Variants in LRMDA observed in about 807,000 individuals in gnomAD.
LRMDA encodes leucine rich melanocyte differentiation associated, also known as leucine-rich melanocyte differentiation-associated protein.
Under a neutral mutation model 29.8 loss-of-function variants are expected in LRMDA, and 18 were observed. The observed-to-expected ratio is 0.60, with a 90% CI of 0.42 to 0.90. The LOEUF is 0.90. LRMDA is among the 40% of genes least tolerant of loss of function. The pLI is 0.00. For missense variants in LRMDA, 273 were observed against 273.9 expected (o/e 1.00, Z 0.02); for synonymous variants, 125 against 109.4 (o/e 1.14, Z -0.89).
intron 5 of LRMDA, among the ~76,000 whole-genome samples, chr10:76,219,656 C>T (rs890822605): frequency 9.2e-5 from 14 of 152,252 alleles, no homozygotes; most frequent in Non-Finnish European, 1.9e-4. Flanking sequence ...GACTCCCACA[C>T]GTTAATAATG....
chr10:76,249,948 A>G (rs1463139013), intron 5 of LRMDA, among the ~76,000 whole-genome samples: 1 of 152,138 alleles, frequency 6.6e-6, no homozygotes, highest in Admixed American at 6.5e-5. Flanking sequence ...GATTACAGGC[A>G]TGTGCCACCA....
At chr10:76,142,700 T>G (rs1314045002) in intron 5 of LRMDA, among the ~76,000 whole-genome samples, 1 of 151,434 alleles carries the variant, frequency 6.6e-6, no homozygotes, top group African/African-American at 2.4e-5. Flanking sequence ...TTATTATTAT[T>G]ATTATTATAC....
chr10:75,804,134 G>C (rs897117057), intron 2 of LRMDA, among the ~76,000 whole-genome samples: 1 of 152,178 alleles, frequency 6.6e-6, no homozygotes, highest in Non-Finnish European at 1.5e-5. Flanking sequence ...GGAGGCTCCT[G>C]TTTCCTTTCC....
rs911431800 is a variant in LRMDA at position 76,052,835 on chromosome 10, C to T, written c.398+5532C>T. Among the ~76,000 whole-genome samples, 3 of 152,210 alleles carry T rather than the reference C, an allele frequency of 2.0e-5. No homozygotes were observed. The East Asian group carries it at 5.8e-4, about 30-fold the overall frequency. On this transcript the variant is annotated intron_variant, in intron 4 of 6. Transcript: ENST00000611255. ...AGCACCTCTGACTCTCACCCCCACC[C>T]CTCACCACCCCCAGCCTTGGGGGCT...
intron 5 of LRMDA, among the ~76,000 whole-genome samples, chr10:76,308,307 A>G (rs905520885): frequency 1.3e-5 from 2 of 152,200 alleles, no homozygotes; most frequent in Non-Finnish European, 2.9e-5. Flanking sequence ...TGTCAACACT[A>G]GTGAGCCATG....
At chr10:76,545,704 C>T (rs1367418866) in intron 6 of LRMDA, among the ~76,000 whole-genome samples, 2 of 150,106 alleles carry the variant, frequency 1.3e-5, no homozygotes, top group Non-Finnish European at 3.0e-5. Flanking sequence ...AGCTTTCAGA[C>T]TGCTATTGGG....
chr10:76,147,407 C>G (rs1850347258), intron 5 of LRMDA, among the ~76,000 whole-genome samples: 1 of 152,092 alleles, frequency 6.6e-6, no homozygotes, highest in Non-Finnish European at 1.5e-5. Flanking sequence ...TTTCTCTAAA[C>G]TTCTCTTCTC....
At chr10:75,998,646 T>A (rs2132466759) in intron 2 of LRMDA, among the ~76,000 whole-genome samples, 1 of 152,370 alleles carries the variant, frequency 6.6e-6, no homozygotes, top group Non-Finnish European at 1.5e-5. Context: ...CAGGTGACGA[T>A]CCAGGGCCCA....
intron 2 of LRMDA, among the ~76,000 whole-genome samples, chr10:75,994,543 G>A (rs1489927776): frequency 2.0e-5 from 3 of 152,126 alleles, no homozygotes; most frequent in African/African-American, 2.4e-5. Flanking sequence ...CTTAGGTGCC[G>A]GGAGCAGGAG....
chr10:76,063,263 G>A (rs1214574882), intron 5 of LRMDA, among the ~76,000 whole-genome samples: 2 of 152,210 alleles, frequency 1.3e-5, no homozygotes, highest in African/African-American at 4.8e-5. Context: ...ATATGTCTGT[G>A]AGTAGTGAGG....
chr10:76,301,855 AT>A (rs1243427716), intron 5 of LRMDA, among the ~76,000 whole-genome samples: 1 of 152,196 alleles, frequency 6.6e-6, no homozygotes, highest in African/African-American at 2.4e-5. Flanking sequence ...AGTGTTATTT[AT>A]TTGTGCAATA....
chr10:76,334,609 A>G (rs902178698), intron 6 of LRMDA, among the ~76,000 whole-genome samples: 2 of 152,146 alleles, frequency 1.3e-5, no homozygotes, highest in African/African-American at 2.4e-5. Flanking sequence ...ATCCATTCTA[A>G]TGAAATTTTT....
chr10:76,047,326 A>G, intron 4 of LRMDA, 23 bp downstream of exon 4: 1 of 1,583,554 alleles, frequency 6.3e-7, no homozygotes, highest in South Asian at 1.1e-5. Context: ...GGGTTGGACC[A>G]TGGTGGGAAA....
intron 2 of LRMDA, among the ~76,000 whole-genome samples, chr10:76,017,993 G>C (rs560927999): frequency 1.3e-5 from 2 of 152,178 alleles, no homozygotes; most frequent in African/African-American, 4.8e-5. Context: ...TACTTTCCTC[G>C]TGAAGACTGA....
At chr10:76,180,316 C>T (rs1334695914) in intron 5 of LRMDA, among the ~76,000 whole-genome samples, 3 of 128,264 alleles carry the variant, frequency 2.3e-5, no homozygotes, top group African/African-American at 8.8e-5. Context: ...GACAGAGTCT[C>T]ACACTGTCAC....
At chr10:76,196,553 C>T (rs906509999) in intron 5 of LRMDA, among the ~76,000 whole-genome samples, 1 of 152,174 alleles carries the variant, frequency 6.6e-6, no homozygotes, top group African/African-American at 2.4e-5. Context: ...TGCTCTGTAC[C>T]AGCCATTCAG....
In LRMDA at chr10:75,431,865, C is replaced by T. The variant is rs1360605815; in HGVS notation, c.30+111C>T. The T allele has an allele frequency of 5.5e-6, 6 of 1,084,816 alleles. No individual in the cohort carries two copies. The East Asian group carries it at 1.3e-4, about 24-fold the overall frequency. The allele number at this position is 1,084,816 out of a possible 1,614,324, so 67.2% of individuals were successfully genotyped here. The stretch of plus-strand genomic sequence containing the variant: ...ACACCCCTGTCCCCGCCTCAGGGGG[C>T]TGCGTCTGCAGGGGGTGAGCTTCAG... On this transcript the variant is annotated intron_variant, in intron 1 of 6. Transcript: ENST00000611255.
At chr10:75,734,582 T>C (rs1842738298) in intron 2 of LRMDA, among the ~76,000 whole-genome samples, 1 of 152,202 alleles carries the variant, frequency 6.6e-6, no homozygotes, top group Non-Finnish European at 1.5e-5. Context: ...AATACATGAG[T>C]TACCATGGAT....
At chr10:76,128,752 G>A (rs543150118) in intron 5 of LRMDA, among the ~76,000 whole-genome samples, 1 of 152,306 alleles carries the variant, frequency 6.6e-6, no homozygotes, top group East Asian at 1.9e-4. Flanking sequence ...TACAAGGCGA[G>A]GGACCTTTTT....
Sources: allele counts gnomAD v4.1 joint callset (sites outside exome capture counted in the v4.1 genomes callset), GRCh38; gene constraint gnomAD v4.1.1; transcripts MANE v1.5; gene names NCBI Gene and HGNC (gene_info 2026-07-23, HGNC 2026-07-21).